BTBD3: variants seen among roughly 807,000 people sequenced by gnomAD.
BTBD3 encodes BTB domain containing 3.
A neutral mutation model predicts 41.6 loss-of-function variants in BTBD3; 14 were observed. The ratio of observed to expected loss-of-function variants is 0.34; its 90% CI spans 0.22 to 0.53. The LOEUF is 0.53. BTBD3 is among the 20% of genes least tolerant of loss of function. BTBD3 has a pLI of 0.95. For synonymous variants in BTBD3, 249 were observed against 233.7 expected (o/e 1.07, Z -0.60); for missense variants, 426 against 654.7 (o/e 0.65, Z 3.81).
At chr20:11,922,556 T>G in intron 3 of BTBD3, 78 bp from the exon 4 acceptor site, 2 of 1,337,864 alleles carry the variant, frequency 1.5e-6, no homozygotes, top group Non-Finnish European at 2.1e-6. Context: ...AGAACAAACT[T>G]GAAAGTGGTT....
upstream of BTBD3, among the ~76,000 whole-genome samples, chr20:11,914,557 A>G (rs956521602): frequency 6.6e-6 from 1 of 151,982 alleles, no homozygotes; most frequent in Non-Finnish European, 1.5e-5. Context: ...ATAACCTAGT[A>G]TGTTCATGTA....
Position 11,924,027 on chromosome 20 carries a change from C to A in BTBD3, c.*361C>A, listed in dbSNP as rs983324039. 4 of 193,908 alleles carry A rather than the reference C, an allele frequency of 2.1e-5. No homozygotes were observed. The highest frequency in any genetic ancestry group is 5.4e-5 in the Admixed American group (1 of 18,660). 12.0% of individuals were successfully genotyped at this position (193,908 alleles called of 1,614,324 possible). A position where few individuals can be genotyped will look rare whatever the true frequency, so the allele number is the denominator to read the frequency against. On this transcript the variant is annotated 3_prime_UTR_variant, in exon 4 of 4. Transcript: ENST00000378226. ...TTCCTTTTGGACGTTATTTGATGAA[C>A]AGAAATAAAGTGATAACAAGAGTTA... is the stretch of plus-strand genomic sequence containing the variant.
chr20:11,905,432 T>A lies in BTBD3; in HGVS notation c.-125-12902T>A, dbSNP rs144642675. 4.4e-3 allele frequency among the ~76,000 whole-genome samples: 670 copies of A among 152,332 alleles called. 13 individuals carry two copies. The highest frequency in any genetic ancestry group is 0.033 in the Admixed American group (511 of 15,294). ...TGACGTAGAATATTTTAAAAGTGTT[T>A]ACTCAACAGCTGAAGTTTAATAAAA... On this transcript the variant is annotated intron_variant, in intron 1 of 4. Coordinates refer to the BTBD3 transcript ENST00000254977.
At chr20:11,906,081 C>G (rs977634245) in intron 1 of BTBD3, among the ~76,000 whole-genome samples, 5 of 151,768 alleles carry the variant, frequency 3.3e-5, no homozygotes, top group African/African-American at 1.2e-4. Flanking sequence ...TTATTTTGGC[C>G]AACACAAATC....
chr20:11,900,479 C>A (rs1411257037), intron 1 of BTBD3, among the ~76,000 whole-genome samples: 1 of 152,080 alleles, frequency 6.6e-6, no homozygotes, highest in South Asian at 2.1e-4. Context: ...TCTTTTAATG[C>A]CACCTAATTT....
chr20:11,902,082 GTGTAA>G, intron 1 of BTBD3, among the ~76,000 whole-genome samples: 1 of 150,678 alleles, frequency 6.6e-6, no homozygotes, highest in Admixed American at 6.6e-5. Context: ...GAAAATCCAT[GTGTAA>G]CTTTTGACTC....
In BTBD3 at chr20:11,900,706, CTT is replaced by C. The variant is rs33976204; in HGVS notation, c.-126+9770_-126+9771del. Among the ~76,000 whole-genome samples the C allele has an allele frequency of 3.0e-3, 336 of 111,474 alleles. 1 individual carries two copies. Among genetic ancestry groups the C allele is most frequent in the African/African-American group, 7.5e-3 (219 of 29,310 alleles). The allele number at this position is 111,474 out of a possible 152,430, so 73.1% of individuals were successfully genotyped here. Reference sequence around the variant, plus strand: ...AGTCAAATATAATAAAGTCCACCTACTTTTTTTTTTTTTTTTTTTGAGACAGA... The same window carrying C: ...AGTCAAATATAATAAAGTCCACCTACTTTTTTTTTTTTTTTTTGAGACAGA... On this transcript the variant is annotated intron_variant, in intron 1 of 4. Transcript: ENST00000254977.
At chr20:11,892,351 G>C (rs536364131) in intron 1 of BTBD3, 1 of 152,274 alleles carries the variant, frequency 6.6e-6, no homozygotes, top group South Asian at 2.1e-4. Flanking sequence ...CAGATCCCCT[G>C]TTTTAACTTT....
At chr20:11,906,466 G>A (rs2056855747) in intron 1 of BTBD3, among the ~76,000 whole-genome samples, 1 of 151,648 alleles carries the variant, frequency 6.6e-6, no homozygotes, top group African/African-American at 2.4e-5. Context: ...GTTTCACCAT[G>A]TTGGACAGTC....
chr20:11,907,523 A>C (rs1390575723), intron 1 of BTBD3, among the ~76,000 whole-genome samples: 2 of 152,198 alleles, frequency 1.3e-5, no homozygotes, highest in Non-Finnish European at 2.9e-5. Flanking sequence ...GTGCATGGGC[A>C]TGGCACTGTT....
intron 1 of BTBD3, among the ~76,000 whole-genome samples, chr20:11,903,897 C>T (rs891483072): frequency 5.9e-5 from 9 of 152,088 alleles, no homozygotes; most frequent in Non-Finnish European, 8.8e-5. Flanking sequence ...TGTGAGCCAC[C>T]GCTCTTAATT....
At chr20:11,902,037 GCC>G (rs2056826798) in intron 1 of BTBD3, among the ~76,000 whole-genome samples, 1 of 151,952 alleles carries the variant, frequency 6.6e-6, no homozygotes. Flanking sequence ...ACTGATGCCT[GCC>G]CCCACCCCAC....
intron 3 of BTBD3, among the ~76,000 whole-genome samples, 153 bp downstream of exon 3, chr20:11,919,989 A>G (rs941160759): frequency 1.3e-5 from 2 of 152,258 alleles, no homozygotes; most frequent in Non-Finnish European, 2.9e-5. Context: ...GGAAAAGAAC[A>G]CTTTAGCTTT....
chr20:11,924,810 C>T lies in BTBD3; in HGVS notation c.*1144C>T, dbSNP rs1048388386. 14 of 152,632 alleles carry T rather than the reference C, an allele frequency of 9.2e-5. No individual in the cohort carries two copies. The highest frequency in any genetic ancestry group is 3.4e-4 in the African/African-American group (14 of 41,452). The allele number at this position is 152,632 out of a possible 1,614,324, so 9.5% of individuals were successfully genotyped here. On this transcript the variant is annotated 3_prime_UTR_variant, in exon 4 of 4. Coordinates refer to ENST00000378226, the MANE Select transcript of BTBD3 (RefSeq NM_014962.4). ...CTGTTCCTAGACTGCTAGAATCTGG[C>T]CCCTGGCCATCTTAAAGTGCCAACA... is the stretch of plus-strand genomic sequence containing the variant.
At position 11,923,843 on chromosome 20, in the gene BTBD3, C is replaced by A. The variant is rs965819668; in HGVS notation, c.*177C>A. 3.3e-6 allele frequency: 2 copies of A among 612,404 alleles called. No individual in the cohort carries two copies. The highest frequency in any genetic ancestry group is 1.8e-5 in the African/African-American group (1 of 54,226). 37.9% of individuals were successfully genotyped at this position (612,404 alleles called of 1,614,324 possible). On this transcript the variant is annotated 3_prime_UTR_variant, in exon 4 of 4. Coordinates refer to ENST00000378226, the MANE Select transcript of BTBD3 (RefSeq NM_014962.4). This position sits in a 1 kb window ranked among gnomAD's most constrained non-coding sequence, Gnocchi z 5.3. ...TATGTACAGGCAAAAATGCAGCATTCCGCTTTTAACTATCTGCTTAAAAGA... is the reference window on the plus strand; with the variant it reads ...TATGTACAGGCAAAAATGCAGCATTACGCTTTTAACTATCTGCTTAAAAGA...
At chr20:11,905,196 G>C (rs149321074) in intron 1 of BTBD3, among the ~76,000 whole-genome samples, 2 of 152,222 alleles carry the variant, frequency 1.3e-5, no homozygotes, top group East Asian at 3.9e-4. Flanking sequence ...TGCAGTGACA[G>C]GCTCACTTCA....
intron 1 of BTBD3, among the ~76,000 whole-genome samples, chr20:11,898,596 G>T (rs187884691): frequency 1.3e-5 from 2 of 152,212 alleles, no homozygotes; most frequent in Non-Finnish European, 1.5e-5. Context: ...TTATTAATGT[G>T]TCCTGAGTGC....
At chr20:11,901,967 T>G (rs1398802428) in intron 1 of BTBD3, among the ~76,000 whole-genome samples, 4 of 152,150 alleles carry the variant, frequency 2.6e-5, no homozygotes, top group African/African-American at 9.7e-5. Context: ...GATGGGAAGG[T>G]GTTTGGATGC....
upstream of BTBD3, among the ~76,000 whole-genome samples, chr20:11,915,422 A>C (rs1276389345): frequency 6.6e-6 from 1 of 152,236 alleles, no homozygotes; most frequent in Non-Finnish European, 1.5e-5. Context: ...TGAATGCAAC[A>C]TATGGCACCA....
Sources: allele counts gnomAD v4.1 joint callset (sites outside exome capture counted in the v4.1 genomes callset), GRCh38; gene constraint gnomAD v4.1.1; non-coding constraint Gnocchi (gnomAD v3.1); transcripts MANE v1.5; gene names NCBI Gene and HGNC (gene_info 2026-07-23, HGNC 2026-07-21).